The following NFIC variants were observed in gnomAD, a reference collection of about 807,000 sequenced individuals.
NFIC encodes nuclear factor 1 C-type.
A neutral mutation model predicts 54.4 loss-of-function variants in NFIC; 12 were observed. The observed-to-expected ratio is 0.22, with a 90% CI of 0.14 to 0.36. NFIC has a LOEUF of 0.36. Ranked by LOEUF, NFIC falls within the 10% of genes least tolerant of loss-of-function variation. The probability of loss-of-function intolerance (pLI) is 1.00; values close to 1 mark genes in which losing one functional copy is unlikely to be tolerated. For synonymous variants in NFIC, 322 were observed against 319.2 expected (o/e 1.01, Z -0.09); for missense variants, 575 against 718.2 (o/e 0.80, Z 2.28).
intron 2 of NFIC, among the ~76,000 whole-genome samples, chr19:3,401,638 C>G (rs2081556884): frequency 6.6e-6 from 1 of 152,182 alleles, no homozygotes; most frequent in Admixed American, 6.5e-5. Context: ...GGTCCTGGTG[C>G]CCGGGAGGCC....
Position 3,369,962 on chromosome 19 carries a change from C to T in NFIC, c.30+3296C>T, listed in dbSNP as rs1463773756. Among the ~76,000 whole-genome samples the T allele has an allele frequency of 1.3e-5, 2 of 152,196 alleles. No homozygotes were observed. The highest frequency in any genetic ancestry group is 4.8e-5 in the African/African-American group (2 of 41,464). Reference sequence around the variant, plus strand: ...CATTTCTCCAGCAGGGTAACCGAGGCTGGGAGAGGCTGTCCTCCCACCCCA... The same window carrying T: ...CATTTCTCCAGCAGGGTAACCGAGGTTGGGAGAGGCTGTCCTCCCACCCCA... On this transcript the variant is annotated intron_variant, in intron 1 of 10. Transcript: ENST00000443272. The surrounding 1 kb of genome is among the most constrained non-coding windows in gnomAD (Gnocchi z 4.3).
At chr19:3,443,398 G>A (rs1254014492) in intron 6 of NFIC, among the ~76,000 whole-genome samples, 2 of 151,796 alleles carry the variant, frequency 1.3e-5, no homozygotes, top group Non-Finnish European at 2.9e-5. Context: ...ACTCCAGTCT[G>A]GGCAACAGCG....
intron 6 of NFIC, among the ~76,000 whole-genome samples, chr19:3,440,262 C>T (rs2082272547): frequency 6.6e-6 from 1 of 151,962 alleles, no homozygotes; most frequent in African/African-American, 2.4e-5. Flanking sequence ...TTCATGGCCT[C>T]CACCCACTCC....
chr19:3,408,165 G>GA (rs1238098969), intron 2 of NFIC, among the ~76,000 whole-genome samples: 4 of 152,092 alleles, frequency 2.6e-5, no homozygotes, highest in Non-Finnish European at 5.9e-5. Context: ...GCCGATGCTG[G>GA]AAACCTGGGC....
At chr19:3,407,228 C>G (rs569265611) in intron 2 of NFIC, among the ~76,000 whole-genome samples, 29 of 151,752 alleles carry the variant, frequency 1.9e-4, no homozygotes, top group Non-Finnish European at 3.8e-4. Flanking sequence ...ATTCTCCTGC[C>G]TCAGCCTCCC....
At chr19:3,366,880 C>G (rs991095686) in intron 1 of NFIC, among the ~76,000 whole-genome samples, 2 of 151,906 alleles carry the variant, frequency 1.3e-5, no homozygotes, top group Admixed American at 1.3e-4. Context: ...GGACCCCCTA[C>G]GCGGGACTCC....
intron 2 of NFIC, among the ~76,000 whole-genome samples, chr19:3,390,681 T>C (rs2081363038): frequency 1.3e-5 from 2 of 152,158 alleles, no homozygotes; most frequent in East Asian, 1.9e-4. Context: ...AAGTGATTTG[T>C]TGCCTAAAAA....
intron 2 of NFIC, among the ~76,000 whole-genome samples, chr19:3,402,740 G>A (rs2081577393): frequency 6.6e-6 from 1 of 152,230 alleles, no homozygotes; most frequent in South Asian, 2.1e-4. Flanking sequence ...GCTGAGACCA[G>A]GAGAGATCTC....
At chr19:3,363,244 T>TGC (rs1469479340), upstream of NFIC, among the ~76,000 whole-genome samples, 3 of 47,268 alleles carry the variant, frequency 6.3e-5, no homozygotes, top group Non-Finnish European at 1.2e-4. Context: ...TGTGTGTGTA[T>TGC]ATATATATAT....
intron 2 of NFIC, among the ~76,000 whole-genome samples, chr19:3,396,781 C>T (rs1043202932): frequency 1.7e-4 from 26 of 152,300 alleles, no homozygotes; most frequent in Non-Finnish European, 2.8e-4. Flanking sequence ...CATGGCAAAA[C>T]CCTATCTCTA....
intron 1 of NFIC, chr19:3,359,832 C>A: frequency 3.7e-6 from 3 of 803,178 alleles, no homozygotes; most frequent in South Asian, 3.9e-5. Flanking sequence ...ACTCGCCAGT[C>A]GCCACGGGAC....
At chr19:3,393,853 A>C (rs1159723802) in intron 2 of NFIC, among the ~76,000 whole-genome samples, 2 of 150,788 alleles carry the variant, frequency 1.3e-5, no homozygotes, top group Non-Finnish European at 2.9e-5. Flanking sequence ...CCAACCACAC[A>C]TATAATTTAA....
At chr19:3,384,492 G>A (rs190983412) in intron 2 of NFIC, among the ~76,000 whole-genome samples, 4 of 151,904 alleles carry the variant, frequency 2.6e-5, no homozygotes, top group African/African-American at 4.8e-5. Flanking sequence ...AGGTTCAAGC[G>A]ATTCTCCTGC....
At chr19:3,368,943 G>GTGTGTC (rs1288379324) in intron 1 of NFIC, among the ~76,000 whole-genome samples, 2 of 138,734 alleles carry the variant, frequency 1.4e-5, no homozygotes, top group South Asian at 2.4e-4. Context: ...GTGTGTGTGT[G>GTGTGTC]TGTGTCTGTT....
At chr19:3,442,060 G>T (rs1046704566) in intron 6 of NFIC, among the ~76,000 whole-genome samples, 3 of 152,202 alleles carry the variant, frequency 2.0e-5, no homozygotes, top group Non-Finnish European at 4.4e-5. Flanking sequence ...GAGGCCTGGG[G>T]GGATCATGCC....
At chr19:3,450,854 G>A (rs987424408) in intron 7 of NFIC, among the ~76,000 whole-genome samples, 1 of 152,168 alleles carries the variant, frequency 6.6e-6, no homozygotes, top group Non-Finnish European at 1.5e-5. Flanking sequence ...GTCAGCAAAC[G>A]CTGGCCCCCT....
chr19:3,446,095 A>G (rs1302078546), intron 6 of NFIC, among the ~76,000 whole-genome samples: 2 of 152,062 alleles, frequency 1.3e-5, no homozygotes, highest in Non-Finnish European at 2.9e-5. Context: ...AATTATTTGG[A>G]AAATATTGAG....
rs1219843269 is a variant in NFIC, at chr19:3,452,864, G to A, written c.1269+198G>A. 6.6e-6 allele frequency among the ~76,000 whole-genome samples: 1 copy of A among 152,216 alleles called. No homozygotes were observed. The highest frequency in any genetic ancestry group is 2.4e-5 in the African/African-American group (1 of 41,452). On this transcript the variant is annotated intron_variant, in intron 8 of 10. Coordinates refer to ENST00000443272, the MANE Select transcript of NFIC (RefSeq NM_001245002.2). This position sits in a 1 kb window ranked among gnomAD's most constrained non-coding sequence, Gnocchi z 5.3. ...GCTTTCGGATGTCAGGGTTTCGGGC[G>A]CATCATGTCGCACCCTGTGGGGTCT...
At chr19:3,366,172 C>A (rs1488775725), upstream of NFIC, among the ~76,000 whole-genome samples, 1 of 151,694 alleles carries the variant, frequency 6.6e-6, no homozygotes, top group Non-Finnish European at 1.5e-5. Context: ...TCCGCTTGAT[C>A]CGAATTGGGG....
Sources: gnomAD v4.1 joint callset for allele counts (sites outside exome capture counted in the v4.1 genomes callset) on GRCh38, gnomAD v4.1.1 for gene constraint, Gnocchi (gnomAD v3.1) non-coding constraint, MANE v1.5 for transcripts, NCBI Gene and HGNC (gene_info 2026-07-23, HGNC 2026-07-21) for gene names.